The following FOXP1 variants were observed in gnomAD, a reference collection of about 807,000 sequenced individuals.
The protein encoded by FOXP1 is forkhead box P1, also known as forkhead box protein P1.
Under a neutral mutation model 98.2 loss-of-function variants are expected in FOXP1, and 15 were observed. The observed-to-expected ratio is 0.15, with a 90% CI of 0.10 to 0.24. The LOEUF (loss-of-function observed/expected upper bound fraction) is 0.24, where lower values mean the gene tolerates loss of function less well. FOXP1 is among the 10% of genes least tolerant of loss of function. The pLI is 1.00. For synonymous variants in FOXP1, 371 were observed against 314.5 expected (o/e 1.18, Z -1.90); for missense variants, 633 against 848.5 (o/e 0.75, Z 3.15).
At chr3:71,378,615 C>A (rs1405397499) in intron 3 of FOXP1, among the ~76,000 whole-genome samples, 1 of 151,958 alleles carries the variant, frequency 6.6e-6, no homozygotes, top group Non-Finnish European at 1.5e-5. Flanking sequence ...TTCAAGGTAT[C>A]CTTATTTTAC....
intron 3 of FOXP1, among the ~76,000 whole-genome samples, chr3:71,425,594 T>C (rs1222283106): frequency 1.3e-5 from 2 of 152,118 alleles, no homozygotes; most frequent in Admixed American, 6.6e-5. Flanking sequence ...AAATAAATGC[T>C]TAATAAGTAT....
intron 11 of FOXP1, among the ~76,000 whole-genome samples, chr3:71,027,833 G>T (rs532942113): frequency 6.6e-6 from 1 of 152,236 alleles, no homozygotes; most frequent in African/African-American, 2.4e-5. Context: ...CTTAGTAGGG[G>T]TACACATTCA....
intron 4 of FOXP1, among the ~76,000 whole-genome samples, chr3:71,340,671 C>T (rs2076958735): frequency 3.3e-5 from 5 of 152,156 alleles, no homozygotes; most frequent in Admixed American, 3.3e-4. Flanking sequence ...TCATCTGCTA[C>T]TGAAGTTAAT....
chr3:71,192,896 C>T (rs190888308), intron 6 of FOXP1, among the ~76,000 whole-genome samples: 80 of 152,288 alleles, frequency 5.3e-4, no homozygotes, highest in African/African-American at 1.8e-3. Context: ...GGAATCTGCC[C>T]GCCTTGCCCT....
chr3:71,365,928 A>G (rs747225911), intron 3 of FOXP1, among the ~76,000 whole-genome samples: 1 of 152,200 alleles, frequency 6.6e-6, no homozygotes, highest in Non-Finnish European at 1.5e-5. Context: ...GGTTGCAGTG[A>G]GCCCACTGCA....
At chr3:71,086,818 T>C (rs2055154017) in intron 7 of FOXP1, among the ~76,000 whole-genome samples, 1 of 152,330 alleles carries the variant, frequency 6.6e-6, no homozygotes, top group South Asian at 2.1e-4. Context: ...CCCGTCCCAC[T>C]TTCAACTGCA....
chr3:71,113,200 T>C (rs1019582908), intron 6 of FOXP1, among the ~76,000 whole-genome samples: 2 of 152,196 alleles, frequency 1.3e-5, no homozygotes, highest in East Asian at 3.8e-4. Flanking sequence ...ATGACCTTGA[T>C]AGAAATCAGA....
chr3:71,558,190 C>A (rs1212336112), intron 2 of FOXP1, among the ~76,000 whole-genome samples: 1 of 152,144 alleles, frequency 6.6e-6, no homozygotes, highest in Non-Finnish European at 1.5e-5. Flanking sequence ...CATTCTTTTC[C>A]ATATGTGGGC....
chr3:71,361,490 T>C (rs2078566385), intron 3 of FOXP1, among the ~76,000 whole-genome samples: 1 of 152,230 alleles, frequency 6.6e-6, no homozygotes, highest in Non-Finnish European at 1.5e-5. Context: ...TATAAGCCTG[T>C]AAACTAGTTA....
intron 3 of FOXP1, among the ~76,000 whole-genome samples, chr3:71,467,593 T>C (rs768165693): frequency 2.4e-4 from 36 of 152,184 alleles, no homozygotes; most frequent in Non-Finnish European, 4.9e-4. Flanking sequence ...CTTTATAAGA[T>C]AGTTGGGGGT....
At chr3:71,508,434 C>T (rs1412633037) in intron 2 of FOXP1, among the ~76,000 whole-genome samples, 1 of 152,156 alleles carries the variant, frequency 6.6e-6, no homozygotes, top group Non-Finnish European at 1.5e-5. Flanking sequence ...CAGTGCCTAC[C>T]CAGTGGTTAG....
At chr3:71,290,205 G>A (rs563281149) in intron 5 of FOXP1, among the ~76,000 whole-genome samples, 1 of 152,120 alleles carries the variant, frequency 6.6e-6, no homozygotes, top group Non-Finnish European at 1.5e-5. Flanking sequence ...TTTAGTGATG[G>A]GAGCACCACC....
chr3:71,389,266 G>GGGGGT (rs1158481882), intron 3 of FOXP1, among the ~76,000 whole-genome samples: 1 of 93,618 alleles, frequency 1.1e-5, no homozygotes, highest in Non-Finnish European at 2.2e-5. Flanking sequence ...GGGGGGGCGG[G>GGGGGT]TTATAAATTT....
At chr3:71,333,063 T>A (rs993126406) in intron 4 of FOXP1, 1 of 152,260 alleles carries the variant, frequency 6.6e-6, no homozygotes, top group African/African-American at 2.4e-5. Context: ...CTAGTGCTTA[T>A]GAACTCTCAA....
At position 71,198,285 on chromosome 3, in the gene FOXP1, G is replaced by A. The variant is rs1358353721; in HGVS notation, c.97C>T (p.Arg33Trp). 16 of 1,614,002 alleles carry A rather than the reference G, an allele frequency of 9.9e-6. No homozygotes were observed. The highest frequency in any genetic ancestry group is 1.3e-5 in the African/African-American group (1 of 74,910). The change falls in exon 6 of 21, where the codon CGG becomes TGG. Residue 33 changes from arginine (R) to tryptophan (W), a missense_variant. Coordinates refer to ENST00000649528, the MANE Select transcript of FOXP1 (RefSeq NM_001349338.3). ...SNHLLECGGL[R>W]EGRSNGETPA... ...GTCTCTCCGTTGGACCGCCCCTCCC[G>A]AAGACCGCCGCACTCTAGTAAGTGG...
intron 7 of FOXP1, among the ~76,000 whole-genome samples, chr3:71,098,520 T>C (rs2056677164): frequency 6.6e-6 from 1 of 152,214 alleles, no homozygotes. Flanking sequence ...ATGCTGTTTT[T>C]ATGGTCTTGA....
rs912979818 is a variant in FOXP1, at chr3:70,958,305, GTCTC to G, written c.*938_*941del. ...TGAATCGGCATTGTTCCTAGAGTTT[GTCTC>G]TCTTTTTTTTTTCTGTCATTCATTC... On this transcript the variant is annotated 3_prime_UTR_variant, in exon 21 of 21. Coordinates refer to ENST00000649528, the MANE Select transcript of FOXP1 (RefSeq NM_001349338.3). 4.5e-5 allele frequency: 24 copies of G among 534,344 alleles called. No homozygotes were observed. The highest frequency in any genetic ancestry group is 8.9e-5 in the Admixed American group (4 of 44,944). 33.1% of individuals were successfully genotyped at this position (534,344 alleles called of 1,614,324 possible).
chr3:71,181,620 C>A (rs1160457475), intron 6 of FOXP1, among the ~76,000 whole-genome samples: 1 of 152,134 alleles, frequency 6.6e-6, no homozygotes, highest in Non-Finnish European at 1.5e-5. Context: ...CTAGCAGAAA[C>A]AACATGAAAT....
At chr3:71,519,249 A>G (rs1351001259) in intron 2 of FOXP1, among the ~76,000 whole-genome samples, 5 of 152,190 alleles carry the variant, frequency 3.3e-5, no homozygotes, top group Admixed American at 2.6e-4. Flanking sequence ...GCATCTCAAA[A>G]CTAACTAACT....
Sources: gnomAD v4.1 joint callset for allele counts (sites outside exome capture counted in the v4.1 genomes callset) on GRCh38, gnomAD v4.1.1 for gene constraint, MANE v1.5 for transcripts, NCBI Gene and HGNC (gene_info 2026-07-23, HGNC 2026-07-21) for gene names.